LRRC7: variants seen among roughly 807,000 people sequenced by gnomAD.
LRRC7 encodes the protein leucine-rich repeat-containing protein 7.
A neutral mutation model predicts 175.7 loss-of-function variants in LRRC7; 23 were observed. The observed-to-expected ratio is 0.13, with a 90% confidence interval of 0.09 to 0.19. The LOEUF is 0.19. Among genes scored for constraint, LRRC7 ranks in the 10% least tolerant of loss-of-function variants. The pLI, the probability that LRRC7 is intolerant of heterozygous loss-of-function variation, is 1.00. For missense variants in LRRC7, 1,354 were observed against 1,904.7 expected (o/e 0.71, Z 5.38); for synonymous variants, 685 against 680.9 (o/e 1.01, Z -0.09).
At chr1:70,032,138 C>G (rs934355358) in intron 18 of LRRC7, among the ~76,000 whole-genome samples, 1 of 152,198 alleles carries the variant, frequency 6.6e-6, no homozygotes, top group African/African-American at 2.4e-5. Context: ...AATGTTGTAA[C>G]TGAGAGCTAC....
chr1:70,074,041 A>T (rs113656402), intron 23 of LRRC7, among the ~76,000 whole-genome samples: 3,849 of 152,240 alleles, frequency 0.025, 186 homozygotes, highest in African/African-American at 0.089. Flanking sequence ...TCTCTACTAA[A>T]GATACAAATA....
chr1:69,758,790 A>G (rs1670715424), intron 2 of LRRC7, among the ~76,000 whole-genome samples: 2 of 151,986 alleles, frequency 1.3e-5, no homozygotes, highest in Admixed American at 6.6e-5. Flanking sequence ...TTAATTTGCT[A>G]GATAATGATT....
intron 2 of LRRC7, among the ~76,000 whole-genome samples, chr1:69,741,185 A>G (rs1570585503): frequency 6.6e-6 from 1 of 152,080 alleles, no homozygotes; most frequent in East Asian, 1.9e-4. Context: ...CTCCTAATCT[A>G]TACTGGCAGA....
At chr1:69,791,981 A>G (rs1439882045) in intron 3 of LRRC7, 62 bp from the exon 4 acceptor site, 3 of 1,088,192 alleles carry the variant, frequency 2.8e-6, no homozygotes, top group South Asian at 1.4e-5. Flanking sequence ...TAATTTTGTT[A>G]CTGAGTTTAT....
At position 70,128,242 on chromosome 1, in the gene LRRC7, G is replaced by A. The variant is rs181253662; in HGVS notation, c.*6355G>A. ...CTCCCAAAGTGCTGGGATTACAGGCGTGAGCCACTGTGCCCAGCATTTTTT... is the reference window on the plus strand; with the variant it reads ...CTCCCAAAGTGCTGGGATTACAGGCATGAGCCACTGTGCCCAGCATTTTTT... On this transcript the variant is annotated 3_prime_UTR_variant, in exon 27 of 27. Transcript: ENST00000651989. Among the ~76,000 whole-genome samples the A allele has an allele frequency of 3.1e-4, 47 of 152,276 alleles. No homozygotes were observed. The highest frequency in any genetic ancestry group is 1.1e-3 in the African/African-American group (45 of 41,568).
chr1:69,831,204 A>G (rs924985171), intron 5 of LRRC7, among the ~76,000 whole-genome samples: 1 of 152,046 alleles, frequency 6.6e-6, no homozygotes, highest in African/African-American at 2.4e-5. Flanking sequence ...TAATGGTTTT[A>G]ACATTCGTCT....
chr1:69,814,773 C>T (rs1292772859), intron 4 of LRRC7, among the ~76,000 whole-genome samples: 1 of 152,086 alleles, frequency 6.6e-6, no homozygotes, highest in East Asian at 1.9e-4. Context: ...ACCTACTTTT[C>T]TAAATGTGTT....
chr1:69,774,572 A>G lies in LRRC7; in HGVS notation c.303+14179A>G, dbSNP rs79108566. 1.1e-3 allele frequency among the ~76,000 whole-genome samples: 164 copies of G among 152,334 alleles called. 3 individuals carry two copies. The East Asian group carries it at 0.028, about 26-fold the overall frequency. On this transcript the variant is annotated intron_variant, in intron 3 of 26. Transcript: ENST00000651989. ...AACAAAGAAAAGTGAGGTGATTTAT[A>G]TGTTAATTTGCTTCACTACAGTAGC...
chr1:70,087,915 T>G (rs1663732471), intron 24 of LRRC7, among the ~76,000 whole-genome samples: 3 of 152,162 alleles, frequency 2.0e-5, no homozygotes. Context: ...TGATCCAGGT[T>G]CTAGTGACAA....
intron 7 of LRRC7, among the ~76,000 whole-genome samples, chr1:69,907,679 A>AT (rs776852200): frequency 2.8e-4 from 43 of 152,044 alleles, no homozygotes; most frequent in Non-Finnish European, 4.6e-4. Context: ...TTTATTGAGG[A>AT]TTTTTCCATC....
intron 7 of LRRC7, among the ~76,000 whole-genome samples, chr1:69,895,556 C>T (rs947051000): frequency 6.6e-6 from 1 of 152,038 alleles, no homozygotes; most frequent in East Asian, 1.9e-4. Context: ...AGATAATGAA[C>T]AAAATTCATC....
intron 23 of LRRC7, among the ~76,000 whole-genome samples, chr1:70,064,292 C>T (rs1032445976): frequency 2.6e-5 from 4 of 151,958 alleles, no homozygotes; most frequent in African/African-American, 7.2e-5. Flanking sequence ...AAAGGTTCAG[C>T]TTAATAGGTT....
At chr1:69,844,624 G>A (rs1425261070) in intron 7 of LRRC7, among the ~76,000 whole-genome samples, 1 of 152,094 alleles carries the variant, frequency 6.6e-6, no homozygotes, top group Non-Finnish European at 1.5e-5. Context: ...CTTGGCTACT[G>A]TGAATAATGA....
Position 69,887,350 on chromosome 1 carries a change from C to T in LRRC7, c.648-44157C>T, listed in dbSNP as rs1288961712. Reference sequence around the variant, plus strand: ...TCTTTTTTCTCTAAACTTCCCTTCTCGCTTCATTTCATTCATTTCATCTTC... The same window carrying T: ...TCTTTTTTCTCTAAACTTCCCTTCTTGCTTCATTTCATTCATTTCATCTTC... On this transcript the variant is annotated intron_variant, in intron 7 of 26. Coordinates refer to ENST00000651989, the MANE Select transcript of LRRC7 (RefSeq NM_001370785.2). Among the ~76,000 whole-genome samples, 77 of 126,870 alleles carry T rather than the reference C, an allele frequency of 6.1e-4. 1 individual carries two copies. The South Asian group carries it at 0.01, about 17-fold the overall frequency. The allele number at this position is 126,870 out of a possible 152,430, so 83.2% of individuals were successfully genotyped here.
intron 1 of LRRC7, among the ~76,000 whole-genome samples, chr1:69,626,619 G>T (rs1354200360): frequency 3.3e-5 from 5 of 151,532 alleles, no homozygotes; most frequent in Non-Finnish European, 7.4e-5. Flanking sequence ...CAATGTGCAG[G>T]TTTGTTACAT....
chr1:69,762,173 G>C (rs954590031), intron 3 of LRRC7, among the ~76,000 whole-genome samples: 5 of 151,718 alleles, frequency 3.3e-5, no homozygotes, highest in East Asian at 1.9e-4. Flanking sequence ...AGGCCAATCT[G>C]GTCATTTTAA....
chr1:69,951,112 A>G (rs79095525), intron 8 of LRRC7, among the ~76,000 whole-genome samples: 7,075 of 152,038 alleles, frequency 0.047, 169 homozygotes, highest in South Asian at 0.097. Flanking sequence ...AAAAACCATT[A>G]AAAAGAGAAC....
chr1:69,587,589 G>A (rs1425170452), intron 1 of LRRC7, among the ~76,000 whole-genome samples: 3 of 152,100 alleles, frequency 2.0e-5, no homozygotes, highest in Non-Finnish European at 2.9e-5. Flanking sequence ...CTGTGTCCCC[G>A]ACCACATCTC....
intron 1 of LRRC7, among the ~76,000 whole-genome samples, chr1:69,577,644 C>T (rs1441095789): frequency 6.6e-6 from 1 of 152,196 alleles, no homozygotes; most frequent in Non-Finnish European, 1.5e-5. Flanking sequence ...GGAATCCTTT[C>T]CCCATTGCTT....
Sources: gnomAD v4.1 joint callset for allele counts (sites outside exome capture counted in the v4.1 genomes callset) on GRCh38, gnomAD v4.1.1 for gene constraint, MANE v1.5 for transcripts, NCBI Gene and HGNC (gene_info 2026-07-23, HGNC 2026-07-21) for gene names.